CEP55: variants seen among roughly 807,000 people sequenced by gnomAD.
The protein encoded by CEP55 is centrosomal protein of 55 kDa.
In CEP55, 57 loss-of-function variants were observed where a neutral mutation model predicts 63.2. The ratio of observed to expected loss-of-function variants is 0.90; its 90% CI spans 0.73 to 1.13. CEP55 has a LOEUF of 1.13. Ranked by LOEUF, CEP55 falls within the 50% of genes most tolerant of loss-of-function variation. CEP55 has a pLI of 0.00. For missense variants in CEP55, 456 were observed against 518.9 expected, an observed-to-expected ratio of 0.88 and a Z score of 1.18; for synonymous variants, 178 against 191.6, an observed-to-expected ratio of 0.93 and a Z score of 0.59.
intron 1 of CEP55, 79 bp from the exon 2 acceptor site, chr10:93,499,961 A>G (rs1364097043): frequency 2.2e-6 from 2 of 914,958 alleles, no homozygotes; most frequent in African/African-American, 3.3e-5. Flanking sequence ...TTTAGAGCAG[A>G]TAGGTTATTA....
intron 6 of CEP55, 41 bp downstream of exon 6, chr10:93,517,289 C>T: frequency 6.7e-7 from 1 of 1,502,290 alleles, no homozygotes; most frequent in East Asian, 2.3e-5. Context: ...GTTCACCGAA[C>T]ACTTTCTAAG....
intron 3 of CEP55, among the ~76,000 whole-genome samples, chr10:93,506,088 G>C (rs1037155345): frequency 6.6e-6 from 1 of 151,430 alleles, no homozygotes; most frequent in East Asian, 2.0e-4. Context: ...GGGACTACAG[G>C]TGCGCTACCA....
intron 4 of CEP55, among the ~76,000 whole-genome samples, chr10:93,511,800 C>T (rs764505984): frequency 2.6e-4 from 39 of 151,852 alleles, no homozygotes; most frequent in Non-Finnish European, 5.2e-4. Context: ...GACGGGGTTT[C>T]ACCATATTGG....
In CEP55 at chr10:93,528,041, G is replaced by A. The variant is rs1392906857; in HGVS notation, c.1283G>A (p.Ser428Asn). 1 of 1,614,032 alleles carries A rather than the reference G, an allele frequency of 6.2e-7. No individual in the cohort carries two copies. The highest frequency in any genetic ancestry group is 8.5e-7 in the Non-Finnish European group (1 of 1,180,000). The change falls in exon 9 of 9, where the codon AGT (serine) becomes AAT (asparagine). Residue 428 changes from serine to asparagine, a missense_variant. Ser to Asn is a conservative substitution (Grantham distance 46). Coordinates refer to ENST00000371485, the MANE Select transcript of CEP55 (RefSeq NM_018131.5). ...GAAAAAGTTGCCGCCTCACCAAAAA[G>A]TCCCACTGCTGCACTCAATGAAAGC... ...NREKVAASPK[S>N]PTAALNESLV...
chr10:93,524,206 G>C lies in CEP55; in HGVS notation c.1192-3744G>C, dbSNP rs1589660160. Reference sequence around the variant, plus strand: ...ATAGACCGCTAGCAAGACTAATAAAGAAGAAAAGAGAGAAGAATCAAATAG... The same window carrying C: ...ATAGACCGCTAGCAAGACTAATAAACAAGAAAAGAGAGAAGAATCAAATAG... On this transcript the variant is annotated intron_variant, in intron 8 of 8. Transcript: ENST00000371485. Among the ~76,000 whole-genome samples the C allele has an allele frequency of 3.6e-5, 5 of 139,862 alleles. No homozygotes were observed. The South Asian group carries it at 1.0e-3, about 29-fold the overall frequency. 91.8% of individuals were successfully genotyped at this position (139,862 alleles called of 152,430 possible).
At position 93,528,269 on chromosome 10, in the gene CEP55, C is replaced by T. The variant is rs1209740651; in HGVS notation, c.*116C>T. On this transcript the variant is annotated 3_prime_UTR_variant, in exon 9 of 9. Coordinates refer to ENST00000371485, the MANE Select transcript of CEP55 (RefSeq NM_018131.5). ...CATAAAACTGCCTATCTACCTTTGA[C>T]ACTCCAGCATGCTAGTGAATCATGT... 1.1e-5 allele frequency: 9 copies of T among 798,978 alleles called. No homozygotes were observed. The highest frequency in any genetic ancestry group is 1.6e-5 in the Non-Finnish European group (8 of 485,786). The allele number at this position is 798,978 out of a possible 1,614,324, so 49.5% of individuals were successfully genotyped here. A position where few individuals can be genotyped will look rare whatever the true frequency, so the allele number is the denominator to read the frequency against.
rs181345919 is a variant in CEP55, at chr10:93,528,022, G to T, written c.1264G>T (p.Val422Phe). The T allele has an allele frequency of 6.8e-6, 11 of 1,614,024 alleles. No individual in the cohort carries two copies. Among genetic ancestry groups the T allele is most frequent in the Non-Finnish European group, 9.3e-6 (11 of 1,180,022 alleles). ...AGGAGAGACTGAAAACAGAGAAAAA[G>T]TTGCCGCCTCACCAAAAAGTCCCAC... ...FQGETENREK[V>F]AASPKSPTAA... Residue 422 changes from valine to phenylalanine, a missense_variant, in exon 9 of 9, where the codon GTT (valine) becomes TTT (phenylalanine). Physicochemically the swap from Val to Phe is conservative, Grantham distance 50. Coordinates refer to ENST00000371485, the MANE Select transcript of CEP55 (RefSeq NM_018131.5).
intron 8 of CEP55, among the ~76,000 whole-genome samples, chr10:93,520,720 T>C (rs2057852254): frequency 6.6e-6 from 1 of 152,084 alleles, no homozygotes; most frequent in African/African-American, 2.4e-5. Flanking sequence ...TATAGAATAC[T>C]TGGAGACAGT....
rs978358148 is a variant in CEP55, at chr10:93,511,001, C to T, written c.528+3945C>T. 1.5e-4 allele frequency among the ~76,000 whole-genome samples: 22 copies of T among 148,654 alleles called. 1 individual carries two copies. The highest frequency in any genetic ancestry group is 6.1e-4 in the East Asian group (3 of 4,910). ...TCGCCGAGGCTGTAGTGCAGTGGCACGGTCTCAGCTCACTGCAACCTCTGC... is the reference window on the plus strand; with the variant it reads ...TCGCCGAGGCTGTAGTGCAGTGGCATGGTCTCAGCTCACTGCAACCTCTGC... On this transcript the variant is annotated intron_variant, in intron 4 of 8. Transcript: ENST00000371485.
intron 4 of CEP55, 24 bp from the exon 5 acceptor site, chr10:93,515,381 A>G (rs1192000454): frequency 6.4e-7 from 1 of 1,562,542 alleles, no homozygotes; most frequent in Admixed American, 1.9e-5. Flanking sequence ...TTTACTGTTG[A>G]TTTTCTTTCA....
chr10:93,504,853 C>T (rs1241529327), intron 3 of CEP55, among the ~76,000 whole-genome samples: 1 of 151,978 alleles, frequency 6.6e-6, no homozygotes, highest in African/African-American at 2.4e-5. Flanking sequence ...CTCATTTTGC[C>T]ACCCAGGCTG....
In CEP55 at chr10:93,528,217, A is replaced by G; in HGVS notation, c.*64A>G. 2 of 1,392,512 alleles carry G rather than the reference A, an allele frequency of 1.4e-6. No homozygotes were observed. The highest frequency in any genetic ancestry group is 2.4e-5 in the South Asian group (2 of 82,652). 86.3% of individuals were successfully genotyped at this position (1,392,512 alleles called of 1,614,324 possible). On this transcript the variant is annotated 3_prime_UTR_variant, in exon 9 of 9. Transcript: ENST00000371485. ...CTGTATTTTCTGTTAGCTTGTGGGC[A>G]TTTTGAATTATATATTTCACATTTT...
At chr10:93,505,797 T>C (rs1036850606) in intron 3 of CEP55, among the ~76,000 whole-genome samples, 8 of 152,264 alleles carry the variant, frequency 5.3e-5, no homozygotes, top group African/African-American at 1.9e-4. Context: ...AGGAGAGAAA[T>C]AATTTTTGAG....
intron 8 of CEP55, among the ~76,000 whole-genome samples, chr10:93,524,306 A>ATT (rs766827865): frequency 9.2e-5 from 14 of 152,212 alleles, no homozygotes; most frequent in Non-Finnish European, 1.3e-4. Context: ...GAATACTATA[A>ATT]ACACCTCTAC....
rs369688656 is a variant in CEP55 at position 93,517,012 on chromosome 10, C to A, written c.757C>A (p.Gln253Lys). 3 of 1,610,416 alleles carry A rather than the reference C, an allele frequency of 1.9e-6. No individual in the cohort carries two copies. In the African/African-American group the frequency reaches 4.0e-5, roughly 22 times the overall value. Residue 253 changes from glutamine (Q) to lysine (K), a missense_variant, in exon 6 of 9, where the codon CAA (glutamine) becomes AAA (lysine). Coordinates refer to ENST00000371485, the MANE Select transcript of CEP55 (RefSeq NM_018131.5). ...AAAAAAAGATCTTGAGGTTGAACGA[C>A]AAACCATAACTCAGCTGAGTTTTGA... ...SAKKDLEVER[Q>K]TITQLSFELS... is the part of the protein sequence containing the mutation.
chr10:93,522,638 G>T (rs2057876597), intron 8 of CEP55, among the ~76,000 whole-genome samples: 1 of 152,152 alleles, frequency 6.6e-6, no homozygotes, highest in African/African-American at 2.4e-5. Context: ...ATAATTGTCA[G>T]ATTCACCAAA....
chr10:93,523,737 G>A (rs2057889061), intron 8 of CEP55, among the ~76,000 whole-genome samples: 2 of 152,050 alleles, frequency 1.3e-5, no homozygotes, highest in African/African-American at 2.4e-5. Context: ...ATAACAAACT[G>A]TCTCTCAGAC....
In CEP55 at chr10:93,516,999, T is replaced by G. The variant is rs1164803108; in HGVS notation, c.744T>G (p.Leu248=). The G allele has an allele frequency of 2.5e-6, 4 of 1,607,678 alleles. No individual in the cohort carries two copies. The highest frequency in any genetic ancestry group is 3.4e-6 in the Non-Finnish European group (4 of 1,175,582). Residue 248 remains leucine, a synonymous_variant, in exon 6 of 9, where the codon CTT becomes CTG. Transcript: ENST00000371485. Reference sequence around the variant, plus strand: ...TCTTGGCAAGTGCAAAAAAAGATCTTGAGGTTGAACGACAAACCATAACTC... The same window carrying G: ...TCTTGGCAAGTGCAAAAAAAGATCTGGAGGTTGAACGACAAACCATAACTC... The part of the protein sequence containing the change: ...NDLLASAKKD[L]EVERQTITQL...
Position 93,528,547 on chromosome 10 carries a change from G to A in CEP55, c.*394G>A, listed in dbSNP as rs12245643. 3,497 of 168,572 alleles carry A rather than the reference G, an allele frequency of 0.021. 142 individuals carry two copies. The highest frequency in any genetic ancestry group is 0.079 in the African/African-American group (3,316 of 41,756). 10.4% of individuals were successfully genotyped at this position (168,572 alleles called of 1,614,324 possible). A position where few individuals can be genotyped will look rare whatever the true frequency, so the allele number is the denominator to read the frequency against. On this transcript the variant is annotated 3_prime_UTR_variant, in exon 9 of 9. Coordinates refer to ENST00000371485, the MANE Select transcript of CEP55 (RefSeq NM_018131.5). ...TTAACCAAGGATCTTAACTGTGTTCGCATTTTTTATCCAAGCACTTAGAAA... is the reference window on the plus strand; with the variant it reads ...TTAACCAAGGATCTTAACTGTGTTCACATTTTTTATCCAAGCACTTAGAAA...
Sources: allele counts gnomAD v4.1 joint callset (sites outside exome capture counted in the v4.1 genomes callset), GRCh38; gene constraint gnomAD v4.1.1; transcripts MANE v1.5; gene names NCBI Gene and HGNC (gene_info 2026-07-23, HGNC 2026-07-21).